APP: variants seen among roughly 807,000 people sequenced by gnomAD.
The protein encoded by APP is amyloid-beta precursor protein.
Under a neutral mutation model 101.4 loss-of-function variants are expected in APP, and 31 were observed. The observed-to-expected ratio is 0.31, with a 90% CI of 0.23 to 0.41. The LOEUF is 0.41. Among genes scored for constraint, APP ranks in the 10% least tolerant of loss-of-function variants. APP has a pLI of 1.00. For synonymous variants in APP, 366 were observed against 364.4 expected, an observed-to-expected ratio of 1.00 and a Z score of -0.05; for missense variants, 839 against 1,003.7, an observed-to-expected ratio of 0.84 and a Z score of 2.22.
chr21:26,149,643 A>G (rs1056055998), intron 1 of APP, among the ~76,000 whole-genome samples: 1 of 152,242 alleles, frequency 6.6e-6, no homozygotes, highest in Admixed American at 6.5e-5. Flanking sequence ...ATTTTAAAAT[A>G]CAGAAGAAAA....
intron 2 of APP, among the ~76,000 whole-genome samples, chr21:26,103,555 CA>C (rs2062111947): frequency 6.6e-6 from 1 of 152,002 alleles, no homozygotes; most frequent in South Asian, 2.1e-4. Context: ...GGGTTGACAT[CA>C]TGCCACTGCA....
At chr21:25,886,170 C>CG (rs1371524413) in intron 17 of APP, among the ~76,000 whole-genome samples, 3 of 150,698 alleles carry the variant, frequency 2.0e-5, no homozygotes, top group African/African-American at 7.3e-5. Context: ...CACAAGTCTG[C>CG]GGAAAAAAAA....
intron 13 of APP, among the ~76,000 whole-genome samples, chr21:25,945,115 C>CTACTGACA (rs2040750146): frequency 6.6e-6 from 1 of 152,178 alleles, no homozygotes; most frequent in Admixed American, 6.5e-5. Context: ...CAGACAAAAA[C>CTACTGACA]TACTGACATG....
chr21:25,928,320 C>A (rs1035485254), intron 13 of APP, among the ~76,000 whole-genome samples: 1 of 149,350 alleles, frequency 6.7e-6, no homozygotes, highest in Non-Finnish European at 1.5e-5. Flanking sequence ...CCAGCCTGGG[C>A]GACAGAGCGA....
At chr21:25,952,817 T>G (rs2041150446) in intron 13 of APP, among the ~76,000 whole-genome samples, 7 of 152,222 alleles carry the variant, frequency 4.6e-5, no homozygotes. Context: ...TGATAAATTA[T>G]TTCATTTTGT....
At position 25,887,998 on chromosome 21, in the gene APP, C is replaced by T. The variant is rs577266760; in HGVS notation, c.2211+3724G>A. On this transcript the variant is annotated intron_variant, in intron 17 of 17. Coordinates refer to ENST00000346798, the MANE Select transcript of APP (RefSeq NM_000484.4). ...TTCCTAGGGTTCCTATCTCTGTGAT[C>T]TTCTGCGGGCATTTTTCACTCTAAA... 1.1e-4 allele frequency among the ~76,000 whole-genome samples: 16 copies of T among 152,128 alleles called. No individual in the cohort carries two copies. The East Asian group carries it at 2.9e-3, about 28-fold the overall frequency.
At chr21:25,941,890 T>C (rs1212407010) in intron 13 of APP, 2 of 152,220 alleles carry the variant, frequency 1.3e-5, no homozygotes, top group African/African-American at 2.4e-5. Context: ...CCCTTGCAAA[T>C]GGCGAAGACC....
intron 11 of APP, among the ~76,000 whole-genome samples, chr21:25,962,925 G>T (rs1183722082): frequency 1.3e-5 from 2 of 152,046 alleles, no homozygotes; most frequent in Non-Finnish European, 2.9e-5. Context: ...CAATTCTCTT[G>T]CCCCAGCCTC....
chr21:26,143,914 T>C (rs2146318307), intron 1 of APP, among the ~76,000 whole-genome samples: 1 of 152,332 alleles, frequency 6.6e-6, no homozygotes, highest in Non-Finnish European at 1.5e-5. Flanking sequence ...TTATGTAGCC[T>C]CCCTGTATTA....
rs147779473 is a variant in APP at position 26,125,701 on chromosome 21, C to T, written c.58-13555G>A. ...GGGTGGGGGAGAAAAAGAAGGAAAA[C>T]AATCACTACCTCCCTGATTTATTAG... On this transcript the variant is annotated intron_variant, in intron 1 of 17. Transcript: ENST00000346798. Among the ~76,000 whole-genome samples, 530 of 152,264 alleles carry T rather than the reference C, an allele frequency of 3.5e-3. 3 individuals are homozygous for T. Among genetic ancestry groups the T allele is most frequent in the African/African-American group, 0.012 (505 of 41,554 alleles).
intron 17 of APP, among the ~76,000 whole-genome samples, chr21:25,891,211 G>A (rs2037675109): frequency 1.3e-5 from 2 of 152,114 alleles, no homozygotes; most frequent in African/African-American, 4.8e-5. Flanking sequence ...GGTATAGTGT[G>A]ATTTCCTGAG....
At position 25,955,638 on chromosome 21, in the gene APP, T is replaced by C. The variant is rs1338317491; in HGVS notation, c.1576A>G (p.Ile526Val). 2.5e-6 allele frequency: 4 copies of C among 1,614,154 alleles called. No homozygotes were observed. Among genetic ancestry groups the C allele is most frequent in the South Asian group, 1.1e-5 (1 of 91,088 alleles). Residue 526 changes from isoleucine (I) to valine (V), a missense_variant, in exon 12 of 18, where the codon ATC becomes GTC. Ile to Val is a conservative substitution (Grantham distance 29, BLOSUM62 3). Coordinates refer to ENST00000346798, the MANE Select transcript of APP (RefSeq NM_000484.4). ...RMVDPKKAAQ[I>V]RSQVMTHLRV... ...TACCCCACGCTTACCTGGGACCGGA[T>C]CTGAGCGGCTTTCTTGGGATCCACC...
chr21:26,045,101 G>A lies in APP; in HGVS notation c.662+5899C>T, dbSNP rs2045550590. Among the ~76,000 whole-genome samples, 3 of 151,676 alleles carry A rather than the reference G, an allele frequency of 2.0e-5. No homozygotes were observed. The South Asian group carries it at 6.2e-4, about 31-fold the overall frequency. On this transcript the variant is annotated intron_variant, in intron 5 of 17. Transcript: ENST00000346798. Reference sequence around the variant, plus strand: ...TAAGGTGATTAGAAGAGATAATGCAGAAAAAAAGGGGGAAAAAAAGACTGG... The same window carrying A: ...TAAGGTGATTAGAAGAGATAATGCAAAAAAAAAGGGGGAAAAAAAGACTGG...
chr21:25,927,390 C>T (rs74846909), intron 13 of APP, among the ~76,000 whole-genome samples: 1 of 152,318 alleles, frequency 6.6e-6, no homozygotes, highest in East Asian at 1.9e-4. Flanking sequence ...GACCTAGGCA[C>T]TTCAATGGTC....
chr21:26,165,452 A>G (rs1200585413), intron 1 of APP, among the ~76,000 whole-genome samples: 2 of 152,242 alleles, frequency 1.3e-5, no homozygotes, highest in African/African-American at 4.8e-5. Context: ...CTCAAAAGAA[A>G]CAAAGACAGA....
intron 1 of APP, among the ~76,000 whole-genome samples, chr21:26,115,598 A>G (rs1706994100): frequency 6.6e-6 from 1 of 152,202 alleles, no homozygotes; most frequent in Non-Finnish European, 1.5e-5. Flanking sequence ...CACATTAAAC[A>G]TTGCCATCCA....
intron 4 of APP, 28 bp from the exon 5 acceptor site, chr21:26,051,221 G>C: frequency 6.3e-7 from 1 of 1,592,158 alleles, no homozygotes; most frequent in Non-Finnish European, 8.6e-7. Flanking sequence ...AAAACAGTGA[G>C]TGGTAGAGTA....
intron 9 of APP, among the ~76,000 whole-genome samples, chr21:25,979,234 TATAAC>T (rs2042334055): frequency 6.6e-6 from 1 of 152,116 alleles, no homozygotes; most frequent in Non-Finnish European, 1.5e-5. Flanking sequence ...TAAGAAAACA[TATAAC>T]AAAAACTACA....
intron 5 of APP, among the ~76,000 whole-genome samples, chr21:26,024,736 G>C (rs115183737): frequency 0.021 from 3,229 of 152,254 alleles, 105 homozygotes; most frequent in African/African-American, 0.074. Flanking sequence ...ACCTGACTCT[G>C]ATTACGTAGG....
Sources: allele counts gnomAD v4.1 joint callset (sites outside exome capture counted in the v4.1 genomes callset), GRCh38; gene constraint gnomAD v4.1.1; transcripts MANE v1.5; gene names NCBI Gene and HGNC (gene_info 2026-07-23, HGNC 2026-07-21).